Variants in GABRB2 observed in about 807,000 individuals in gnomAD.
GABRB2 encodes gamma-aminobutyric acid type A receptor subunit beta2, also known as gamma-aminobutyric acid receptor subunit beta-2.
A neutral mutation model predicts 54.7 loss-of-function variants in GABRB2; 16 were observed. The ratio of observed to expected loss-of-function variants is 0.29; its 90% confidence interval spans 0.20 to 0.44. GABRB2 has a LOEUF of 0.44. Ranked by LOEUF, GABRB2 falls within the 20% of genes least tolerant of loss-of-function variation. The pLI, the probability that GABRB2 is intolerant of heterozygous loss-of-function variation, is 1.00. For synonymous variants in GABRB2, 244 were observed against 233.8 expected (o/e 1.04, Z -0.40); for missense variants, 355 against 644.0 (o/e 0.55, Z 4.86).
intron 4 of GABRB2, among the ~76,000 whole-genome samples, chr5:161,439,819 T>C (rs1488964896): frequency 2.0e-5 from 3 of 151,750 alleles, no homozygotes; most frequent in East Asian, 3.9e-4. Context: ...GGGCCTGCCA[T>C]TGGTGGGGGT....
At chr5:161,523,956 G>C (rs768229713) in intron 3 of GABRB2, among the ~76,000 whole-genome samples, 3 of 151,304 alleles carry the variant, frequency 2.0e-5, no homozygotes, top group Non-Finnish European at 4.5e-5. Flanking sequence ...TTAGTAGCAA[G>C]AAAAACTAAT....
At chr5:161,373,324 C>A (rs1228068123) in intron 5 of GABRB2, among the ~76,000 whole-genome samples, 1 of 152,160 alleles carries the variant, frequency 6.6e-6, no homozygotes, top group Non-Finnish European at 1.5e-5. Flanking sequence ...TTCAAACAGA[C>A]AATGTATTTC....
At chr5:161,373,073 A>AT (rs574502991) in intron 5 of GABRB2, among the ~76,000 whole-genome samples, 4 of 151,722 alleles carry the variant, frequency 2.6e-5, no homozygotes, top group Non-Finnish European at 5.9e-5. Flanking sequence ...ATTGATGCTT[A>AT]TTTTTTTTTC....
chr5:161,537,273 C>T (rs768755476), intron 3 of GABRB2, among the ~76,000 whole-genome samples: 1 of 152,186 alleles, frequency 6.6e-6, no homozygotes, highest in Non-Finnish European at 1.5e-5. Flanking sequence ...TATGTATTCA[C>T]AAAGTTAGAA....
intron 4 of GABRB2, among the ~76,000 whole-genome samples, chr5:161,448,608 T>C (rs1757703455): frequency 6.6e-6 from 1 of 152,178 alleles, no homozygotes; most frequent in East Asian, 1.9e-4. Flanking sequence ...AATCTTTCAA[T>C]GGTCAGTTTT....
At chr5:161,339,444 A>G (rs1008834959) in intron 5 of GABRB2, among the ~76,000 whole-genome samples, 7 of 152,102 alleles carry the variant, frequency 4.6e-5, no homozygotes, top group Admixed American at 1.3e-4. Context: ...AAACCAGTAG[A>G]GATTCTTATT....
intron 5 of GABRB2, among the ~76,000 whole-genome samples, chr5:161,359,374 T>C (rs941847968): frequency 1.2e-4 from 19 of 152,200 alleles, no homozygotes; most frequent in African/African-American, 4.1e-4. Flanking sequence ...ATTTTTTCCA[T>C]TGTTTAAATA....
chr5:161,382,599 A>G (rs1755501956), intron 5 of GABRB2, among the ~76,000 whole-genome samples: 1 of 152,110 alleles, frequency 6.6e-6, no homozygotes, highest in Non-Finnish European at 1.5e-5. Context: ...GTCTTGCTTT[A>G]TATTTTACCC....
At chr5:161,427,882 G>A (rs1175582953) in intron 4 of GABRB2, among the ~76,000 whole-genome samples, 1 of 152,126 alleles carries the variant, frequency 6.6e-6, no homozygotes, top group Non-Finnish European at 1.5e-5. Flanking sequence ...AGGCATTTGA[G>A]GTGGTGTAAC....
intron 9 of GABRB2, among the ~76,000 whole-genome samples, chr5:161,309,528 A>AT (rs1757796878): frequency 6.6e-6 from 1 of 152,152 alleles, no homozygotes; most frequent in Non-Finnish European, 1.5e-5. Flanking sequence ...AATGAGTGTA[A>AT]TTTTTTATAT....
intron 5 of GABRB2, among the ~76,000 whole-genome samples, chr5:161,384,928 C>T (rs540393302): frequency 6.6e-4 from 101 of 152,220 alleles, no homozygotes; most frequent in African/African-American, 2.3e-3. Flanking sequence ...TATATAGTTA[C>T]ATACATATGC....
intron 4 of GABRB2, among the ~76,000 whole-genome samples, chr5:161,428,637 C>A (rs537527138): frequency 1.3e-5 from 2 of 152,220 alleles, no homozygotes; most frequent in Non-Finnish European, 2.9e-5. Context: ...TTCTAATACA[C>A]CTGAATGACA....
upstream of GABRB2, among the ~76,000 whole-genome samples, chr5:161,547,377 AAG>A (rs1289706736): frequency 6.6e-6 from 1 of 151,998 alleles, no homozygotes; most frequent in African/African-American, 2.4e-5. Context: ...AAAAGGAAGA[AAG>A]AGAAAGAAAA....
intron 4 of GABRB2, among the ~76,000 whole-genome samples, chr5:161,456,384 G>A (rs4077851): frequency 0.17 from 26,136 of 152,132 alleles, 3,150 homozygotes; most frequent in African/African-American, 0.34. Context: ...TTGTTCATTA[G>A]GGCCTTATTT....
intron 9 of GABRB2, among the ~76,000 whole-genome samples, chr5:161,310,686 CA>C (rs1757839112): frequency 2.0e-5 from 3 of 152,134 alleles, no homozygotes; most frequent in Admixed American, 6.5e-5. Context: ...CGCACACACA[CA>C]CACACACACA....
rs1236701872 is a variant in GABRB2, at chr5:161,289,770, C to T, written c.*4311G>A. On this transcript the variant is annotated 3_prime_UTR_variant, in exon 10 of 10. Transcript: ENST00000393959. Reference sequence around the variant, plus strand: ...CGGGCAGAGAGACAGAGTGGGTGAGCAAAAGATTATGTGTGTTTGAGTGTG... The same window carrying T: ...CGGGCAGAGAGACAGAGTGGGTGAGTAAAAGATTATGTGTGTTTGAGTGTG... 6.7e-6 allele frequency: 1 copy of T among 148,374 alleles called. No homozygotes were observed. Among genetic ancestry groups the T allele is most frequent in the African/African-American group, 2.5e-5 (1 of 39,310 alleles). 9.2% of individuals were successfully genotyped at this position (148,374 alleles called of 1,614,324 possible).
chr5:161,508,226 T>A (rs568606599), intron 3 of GABRB2, among the ~76,000 whole-genome samples: 3 of 151,498 alleles, frequency 2.0e-5, no homozygotes, highest in African/African-American at 7.3e-5. Flanking sequence ...TGTGAATTAA[T>A]TCATCTATTC....
At chr5:161,496,873 A>G (rs1426155655) in intron 3 of GABRB2, among the ~76,000 whole-genome samples, 2 of 152,158 alleles carry the variant, frequency 1.3e-5, no homozygotes, top group African/African-American at 4.8e-5. Context: ...TTGGCAAAAT[A>G]TTTTATCCAA....
chr5:161,338,160 A>G (rs1256159673), intron 5 of GABRB2, among the ~76,000 whole-genome samples: 1 of 152,176 alleles, frequency 6.6e-6, no homozygotes, highest in East Asian at 1.9e-4. Flanking sequence ...TGGAGAATCT[A>G]CATCAAACAG....
Sources: gnomAD v4.1 joint callset for allele counts (sites outside exome capture counted in the v4.1 genomes callset) on GRCh38, gnomAD v4.1.1 for gene constraint, MANE v1.5 for transcripts, NCBI Gene and HGNC (gene_info 2026-07-23, HGNC 2026-07-21) for gene names.